Variants in ZBTB34 observed in about 807,000 individuals in gnomAD.
The protein encoded by ZBTB34 is zinc finger and BTB domain-containing protein 34.
In ZBTB34, 1 loss-of-function variant was observed where a neutral mutation model predicts 33.4. That is an observed-to-expected ratio of 0.03 (90% CI 0.01 to 0.14). The LOEUF is 0.14. ZBTB34 is among the 10% of genes least tolerant of loss of function. ZBTB34 has a pLI of 1.00. For missense variants in ZBTB34, 406 were observed against 657.2 expected (o/e 0.62, Z 4.18); for synonymous variants, 283 against 253.5 (o/e 1.12, Z -1.11).
chr9:126,862,607 T>C (rs1413163706), intron 1 of ZBTB34, among the ~76,000 whole-genome samples: 1 of 152,206 alleles, frequency 6.6e-6, no homozygotes, highest in Non-Finnish European at 1.5e-5. Context: ...GCCTCCTTTT[T>C]CTTTTCTGTG....
intron 1 of ZBTB34, among the ~76,000 whole-genome samples, chr9:126,874,637 G>C (rs2033330531): frequency 6.6e-6 from 1 of 152,050 alleles, no homozygotes; most frequent in South Asian, 2.1e-4. Flanking sequence ...GGCCATCTCA[G>C]TCTGATTTCT....
chr9:126,883,612 C>A (rs1043475608), exon 2 of ZBTB34: 22 of 167,090 alleles, frequency 1.3e-4, no homozygotes, highest in Admixed American at 1.3e-3. Flanking sequence ...GAGTTTCTCT[C>A]TAAGAATCAT....
intron 1 of ZBTB34, among the ~76,000 whole-genome samples, chr9:126,878,637 C>T (rs1290204777): frequency 6.6e-6 from 1 of 151,872 alleles, no homozygotes; most frequent in Admixed American, 6.6e-5. Flanking sequence ...TTTATTGTAT[C>T]CAGTGTGCTA....
exon 2 of ZBTB34, chr9:126,885,270 T>C (rs781578324): frequency 6.0e-6 from 1 of 167,092 alleles, no homozygotes; most frequent in Non-Finnish European, 1.5e-5. Flanking sequence ...GCTATTGTAG[T>C]TCTTGATCAA....
chr9:126,871,591 A>C (rs1220398492), intron 1 of ZBTB34, among the ~76,000 whole-genome samples: 1 of 151,946 alleles, frequency 6.6e-6, no homozygotes, highest in Admixed American at 6.6e-5. Context: ...CGGCCTCCCA[A>C]AGTGCTGAGA....
In ZBTB34 at chr9:126,877,636, C is replaced by T. The variant is rs535453560; in HGVS notation, c.-10-1754C>T. Among the ~76,000 whole-genome samples the T allele has an allele frequency of 9.2e-4, 140 of 152,304 alleles. 2 individuals carry two copies. The South Asian group carries it at 9.7e-3, about 11-fold the overall frequency. ...GTTGTAGGTGTGCCGCAGCTGTGAG[C>T]GCTAGTAGAAGGTGATTCCTTTTGA... is the stretch of plus-strand genomic sequence containing the variant. On this transcript the variant is annotated intron_variant, in intron 1 of 1. Transcript: ENST00000319119.
intron 1 of ZBTB34, among the ~76,000 whole-genome samples, chr9:126,877,252 T>C (rs2033374880): frequency 6.6e-6 from 1 of 152,180 alleles, no homozygotes; most frequent in African/African-American, 2.4e-5. Context: ...TCACAATAAG[T>C]GCCCAGATAT....
chr9:126,861,031 C>T (rs2033136152), intron 1 of ZBTB34, among the ~76,000 whole-genome samples: 1 of 151,978 alleles, frequency 6.6e-6, no homozygotes, highest in Non-Finnish European at 1.5e-5. Context: ...CTGAGGGTCG[C>T]GCTCGGGCAG....
At chr9:126,869,356 C>T (rs2033248926) in intron 1 of ZBTB34, among the ~76,000 whole-genome samples, 1 of 151,962 alleles carries the variant, frequency 6.6e-6, no homozygotes, top group East Asian at 1.9e-4. Flanking sequence ...TTGGTTTCCT[C>T]ATCTTTAAAA....
Position 126,880,140 on chromosome 9 carries a change from G to T in ZBTB34, c.741G>T (p.Arg247=). ...AAGTGAAGATGGAGAAGTCCGACCG[G>T]CCCAGCTGTTCCGACAGCTCCTCCC... The change falls in exon 2 of 2, where the codon CGG becomes CGT. Residue 247 remains arginine (R), a synonymous_variant. Coordinates refer to ENST00000319119, the Ensembl canonical transcript of ZBTB34. This position sits in a 1 kb window ranked among gnomAD's most constrained non-coding sequence, Gnocchi z 6.7. 3 of 1,613,700 alleles carry T rather than the reference G, an allele frequency of 1.9e-6. No homozygotes were observed. Among genetic ancestry groups the T allele is most frequent in the Non-Finnish European group, 2.5e-6 (3 of 1,179,882 alleles).
chr9:126,876,938 C>G (rs1307872083), intron 1 of ZBTB34, among the ~76,000 whole-genome samples: 2 of 152,138 alleles, frequency 1.3e-5, no homozygotes, highest in Non-Finnish European at 2.9e-5. Flanking sequence ...TTAACTGATC[C>G]TTTCCTGTGA....
chr9:126,875,831 C>T (rs1177347209), intron 1 of ZBTB34, among the ~76,000 whole-genome samples: 2 of 152,028 alleles, frequency 1.3e-5, no homozygotes, highest in Admixed American at 1.3e-4. Context: ...AAGTGAGAGT[C>T]GTGATGGCAG....
chr9:126,877,681 C>T (rs1049445577), intron 1 of ZBTB34, among the ~76,000 whole-genome samples: 2 of 152,200 alleles, frequency 1.3e-5, no homozygotes, highest in Non-Finnish European at 2.9e-5. Flanking sequence ...CACCCTTTCA[C>T]TCTTGTTGTC....
In ZBTB34 at chr9:126,880,202, G is replaced by A; in HGVS notation, c.803G>A (p.Gly268Glu). The A allele has an allele frequency of 6.2e-7, 1 of 1,613,794 alleles. No homozygotes were observed. Among genetic ancestry groups the A allele is most frequent in the Non-Finnish European group, 8.5e-7 (1 of 1,179,882 alleles). ...GGGTACCACACCGAGATGGTTGATG[G>A]GGAACAAGTTGTGGCAGTGAATGTG... The change falls in exon 2 of 2, where the codon GGG becomes GAG. Residue 268 changes from glycine (G) to glutamate (E), a missense_variant. Physicochemically the swap from Gly to Glu is moderately conservative, Grantham distance 98. Coordinates refer to ENST00000319119, the Ensembl canonical transcript of ZBTB34. The surrounding 1 kb of genome is among the most constrained non-coding windows in gnomAD (Gnocchi z 6.7).
At chr9:126,867,549 GA>G (rs1200815208) in intron 1 of ZBTB34, among the ~76,000 whole-genome samples, 2 of 150,194 alleles carry the variant, frequency 1.3e-5, no homozygotes, top group East Asian at 2.0e-4. Flanking sequence ...AAGGAATTTG[GA>G]AAGTAGTTCT....
Position 126,879,871 on chromosome 9 carries a change from A to G in ZBTB34, c.472A>G (p.Ser158Gly), listed in dbSNP as rs2033410052. The change falls in exon 2 of 2, where the codon AGC (serine) becomes GGC (glycine). Residue 158 changes from serine to glycine, a missense_variant. Ser to Gly is a moderately conservative substitution (Grantham distance 56). Transcript: ENST00000319119. The surrounding 1 kb of genome is among the most constrained non-coding windows in gnomAD (Gnocchi z 6.4). ...CGAGAGTCGAAACGGAGTGAAAGAC[A>G]GCAGCTTCTTTGCCAACCCAGTGGA... 1 of 1,613,082 alleles carries G rather than the reference A, an allele frequency of 6.2e-7. No homozygotes were observed. The highest frequency in any genetic ancestry group is 8.5e-7 in the Non-Finnish European group (1 of 1,179,874).
chr9:126,880,725 A>C lies in ZBTB34; in HGVS notation c.1326A>C (p.Pro442=). ...GTGAGATCTGCGGGAAGTGCTTTCC[A>C]TTCCAAGGTACCCTCAACCAGCACT... Residue 442 remains proline (P), a synonymous_variant, in exon 2 of 2, where the codon CCA becomes CCC. Transcript: ENST00000319119. The surrounding 1 kb of genome is among the most constrained non-coding windows in gnomAD (Gnocchi z 6.7). 6.2e-7 allele frequency: 1 copy of C among 1,613,848 alleles called. No individual in the cohort carries two copies. Among genetic ancestry groups the C allele is most frequent in the Admixed American group, 1.7e-5 (1 of 60,006 alleles).
chr9:126,872,130 C>T (rs1269162682), intron 1 of ZBTB34, among the ~76,000 whole-genome samples: 3 of 151,982 alleles, frequency 2.0e-5, no homozygotes, highest in African/African-American at 2.4e-5. Flanking sequence ...TTTGTATTTT[C>T]AGTAGAGACG....
chr9:126,879,250 A>G lies in ZBTB34; in HGVS notation c.-10-140A>G. ...TGAATTAACCAAAACATGAAAGACT[A>G]AAACAAGGGGAAGAATGCTTCAGGT... On this transcript the variant is annotated intron_variant, in intron 1 of 1. Coordinates refer to ENST00000319119, the Ensembl canonical transcript of ZBTB34. The surrounding 1 kb of genome is among the most constrained non-coding windows in gnomAD (Gnocchi z 6.4). The G allele has an allele frequency of 2.9e-6, 2 of 682,436 alleles. No individual in the cohort carries two copies. The highest frequency in any genetic ancestry group is 2.2e-5 in the South Asian group (1 of 45,526). 42.3% of individuals were successfully genotyped at this position (682,436 alleles called of 1,614,324 possible). A position where few individuals can be genotyped will look rare whatever the true frequency, so the allele number is the denominator to read the frequency against.
Sources: allele counts gnomAD v4.1 joint callset (sites outside exome capture counted in the v4.1 genomes callset), GRCh38; gene constraint gnomAD v4.1.1; non-coding constraint Gnocchi (gnomAD v3.1); transcripts MANE v1.5; gene names NCBI Gene and HGNC (gene_info 2026-07-23, HGNC 2026-07-21).